AGBL4: variants seen among roughly 807,000 people sequenced by gnomAD.
AGBL4 encodes the protein AGBL carboxypeptidase 4, also known as cytosolic carboxypeptidase 6.
AGBL4 carries 58 observed loss-of-function variants against 66.4 expected under a neutral mutation model. The observed-to-expected ratio is 0.87, with a 90% CI of 0.71 to 1.09. The LOEUF (loss-of-function observed/expected upper bound fraction) is 1.09, where lower values mean the gene tolerates loss of function less well. AGBL4 is among the 50% of genes least tolerant of loss of function. The pLI, the probability that AGBL4 is intolerant of heterozygous loss-of-function variation, is 0.00. For missense variants in AGBL4, 579 were observed against 631.0 expected (o/e 0.92, Z 0.88); for synonymous variants, 234 against 222.9 (o/e 1.05, Z -0.44).
chr1:50,022,155 A>T (rs1662490187), intron 1 of AGBL4, among the ~76,000 whole-genome samples: 1 of 152,206 alleles, frequency 6.6e-6, no homozygotes, highest in Non-Finnish European at 1.5e-5. Context: ...TTTATTGAGA[A>T]CATACTATAC....
chr1:48,635,240 T>C (rs1645649879), intron 8 of AGBL4, among the ~76,000 whole-genome samples: 1 of 152,340 alleles, frequency 6.6e-6, no homozygotes, highest in East Asian at 1.9e-4. Context: ...TAGGTTTATG[T>C]TCTTTCCCTT....
intron 6 of AGBL4, among the ~76,000 whole-genome samples, chr1:48,850,057 G>C (rs545294406): frequency 6.6e-6 from 1 of 152,326 alleles, no homozygotes; most frequent in Admixed American, 6.5e-5. Context: ...CATATAGTGA[G>C]AACACTCTCC....
intron 4 of AGBL4, among the ~76,000 whole-genome samples, chr1:49,056,825 T>G (rs890769217): frequency 7.9e-5 from 12 of 152,310 alleles, no homozygotes; most frequent in African/African-American, 2.9e-4. Context: ...TAGGATTTCT[T>G]GATGGATTGG....
At chr1:49,548,587 T>C (rs1372133865) in intron 3 of AGBL4, among the ~76,000 whole-genome samples, 9 of 152,232 alleles carry the variant, frequency 5.9e-5, no homozygotes, top group African/African-American at 1.9e-4. Context: ...TTTATTGACT[T>C]GCATATGTTA....
At chr1:49,197,561 G>A (rs906238494) in intron 4 of AGBL4, among the ~76,000 whole-genome samples, 2 of 152,184 alleles carry the variant, frequency 1.3e-5, no homozygotes, top group African/African-American at 4.8e-5. Context: ...GCCTGGGCGG[G>A]AACAGGTATT....
chr1:49,922,578 C>T (rs1652368768), intron 1 of AGBL4, among the ~76,000 whole-genome samples: 1 of 152,168 alleles, frequency 6.6e-6, no homozygotes, highest in African/African-American at 2.4e-5. Flanking sequence ...CCAAAAGCTT[C>T]TTAAGCTCAT....
chr1:49,462,536 A>G (rs1646538027), intron 3 of AGBL4, among the ~76,000 whole-genome samples: 1 of 151,756 alleles, frequency 6.6e-6, no homozygotes, highest in Admixed American at 6.6e-5. Context: ...TAGGGAGAAG[A>G]GAATTCTCAA....
chr1:48,758,912 G>A (rs1128934), intron 6 of AGBL4: 1 of 1,525,916 alleles, frequency 6.6e-7, no homozygotes, highest in Non-Finnish European at 8.8e-7. Context: ...CTGCCAAGCC[G>A]CAGGAGCAGC....
chr1:49,301,219 T>C (rs994911755), intron 3 of AGBL4, among the ~76,000 whole-genome samples: 8 of 152,210 alleles, frequency 5.3e-5, no homozygotes, highest in Non-Finnish European at 7.3e-5. Flanking sequence ...TGTGGGACAA[T>C]TAGACCCTCT....
chr1:49,876,850 G>T lies in AGBL4; in HGVS notation c.35-25332C>A, dbSNP rs1170365235. On this transcript the variant is annotated intron_variant, in intron 1 of 13. Coordinates refer to ENST00000371839, the MANE Select transcript of AGBL4 (RefSeq NM_032785.4). ...TTATTTCCTTGACCAGTGGTTTGTA[G>T]TTCTCCTTGAAGAGGTCCTTCACAT... is the stretch of plus-strand genomic sequence containing the variant. Among the ~76,000 whole-genome samples the T allele has an allele frequency of 1.0e-3, 150 of 149,736 alleles. 3 individuals carry two copies. The highest frequency in any genetic ancestry group is 8.9e-5 in the Non-Finnish European group (6 of 67,446).
intron 2 of AGBL4, among the ~76,000 whole-genome samples, chr1:49,706,725 C>T (rs1175794958): frequency 6.6e-6 from 1 of 152,074 alleles, no homozygotes; most frequent in Non-Finnish European, 1.5e-5. Flanking sequence ...TAGCTGTGTC[C>T]CAGAGATGCT....
intron 6 of AGBL4, among the ~76,000 whole-genome samples, chr1:48,829,846 T>C (rs940137778): frequency 4.6e-5 from 7 of 152,228 alleles, no homozygotes; most frequent in Non-Finnish European, 8.8e-5. Context: ...TTCTGTTGAT[T>C]TCTAAATTCC....
chr1:49,968,006 C>A (rs1657716874), intron 1 of AGBL4, among the ~76,000 whole-genome samples: 1 of 151,892 alleles, frequency 6.6e-6, no homozygotes, highest in African/African-American at 2.4e-5. Context: ...GGTGGATCAC[C>A]TGAGGTCAGG....
At chr1:48,804,609 G>A (rs1042510240) in intron 6 of AGBL4, among the ~76,000 whole-genome samples, 3 of 152,156 alleles carry the variant, frequency 2.0e-5, no homozygotes, top group Non-Finnish European at 4.4e-5. Flanking sequence ...TGGTGCATCC[G>A]GTAAGAAAGA....
chr1:48,622,057 G>T (rs1159930503), intron 9 of AGBL4, among the ~76,000 whole-genome samples: 2 of 151,186 alleles, frequency 1.3e-5, no homozygotes, highest in Non-Finnish European at 2.9e-5. Flanking sequence ...TAGCCCACAG[G>T]GCTCTCTATG....
intron 5 of AGBL4, among the ~76,000 whole-genome samples, chr1:48,996,817 C>CCCCTCCTTCCTT (rs1553137068): frequency 6.1e-5 from 9 of 147,756 alleles, no homozygotes; most frequent in African/African-American, 2.3e-4. Flanking sequence ...CTTCCTTCCT[C>CCCCTCCTTCCTT]CCTTCCTTCC....
At chr1:49,900,613 A>G (rs1292435430) in intron 1 of AGBL4, among the ~76,000 whole-genome samples, 1 of 152,122 alleles carries the variant, frequency 6.6e-6, no homozygotes, top group Non-Finnish European at 1.5e-5. Context: ...CTCTTCCTAT[A>G]CCTGAGATGA....
chr1:48,795,285 A>C (rs923398886), intron 6 of AGBL4, among the ~76,000 whole-genome samples: 6 of 152,034 alleles, frequency 3.9e-5, no homozygotes, highest in Non-Finnish European at 8.8e-5. Flanking sequence ...AATCCTATAC[A>C]ATCTCTACCC....
chr1:49,355,072 G>A (rs1020412072), intron 3 of AGBL4, among the ~76,000 whole-genome samples: 2 of 152,154 alleles, frequency 1.3e-5, no homozygotes, highest in Non-Finnish European at 2.9e-5. Context: ...GAAAAACCAT[G>A]CAGACACGGG....
Sources: allele counts gnomAD v4.1 joint callset (sites outside exome capture counted in the v4.1 genomes callset), GRCh38; gene constraint gnomAD v4.1.1; transcripts MANE v1.5; gene names NCBI Gene and HGNC (gene_info 2026-07-23, HGNC 2026-07-21).